Variants in RASSF8 observed in about 807,000 individuals in gnomAD.
RASSF8 encodes ras association domain-containing protein 8.
In RASSF8, 22 loss-of-function variants were observed where a neutral mutation model predicts 48.5. The observed-to-expected ratio is 0.45, with a 90% CI of 0.32 to 0.65. RASSF8 has a LOEUF of 0.65. Among genes scored for constraint, RASSF8 ranks in the 30% least tolerant of loss-of-function variants. The pLI, the probability that RASSF8 is intolerant of heterozygous loss-of-function variation, is 0.03. For synonymous variants in RASSF8, 127 were observed against 171.5 expected (o/e 0.74, Z 2.03); for missense variants, 418 against 489.2 (o/e 0.85, Z 1.37).
At chr12:25,967,137 A>C (rs537658347) in intron 1 of RASSF8, among the ~76,000 whole-genome samples, 1 of 152,354 alleles carries the variant, frequency 6.6e-6, no homozygotes, top group East Asian at 1.9e-4. Flanking sequence ...TAATTATCAC[A>C]GCTGGATGAC....
At chr12:26,001,562 T>C (rs1408800546) in intron 2 of RASSF8, among the ~76,000 whole-genome samples, 1 of 152,220 alleles carries the variant, frequency 6.6e-6, no homozygotes, top group Non-Finnish European at 1.5e-5. Context: ...TTTAAAATTA[T>C]TTATTTTCGA....
rs1546550 is a variant in RASSF8, at chr12:26,069,812, A to C, written c.*994A>C. The C allele has an allele frequency of 0.78, 767,646 of 984,126 alleles. 300,557 individuals carry two copies. The highest frequency in any genetic ancestry group is 0.81 in the African/African-American group (46,575 of 57,284). The allele number at this position is 984,126 out of a possible 1,614,324, so 61.0% of individuals were successfully genotyped here. On this transcript the variant is annotated 3_prime_UTR_variant, in exon 6 of 6. Coordinates refer to ENST00000689635, the MANE Select transcript of RASSF8 (RefSeq NM_001394098.1). The stretch of plus-strand genomic sequence containing the variant: ...ACCATGGGTAAGGTATTGCTTGCAC[A>C]TAATTTGCTCTGCATATTATGGACC...
intron 2 of RASSF8, among the ~76,000 whole-genome samples, chr12:26,024,696 C>G (rs751864348): frequency 4.3e-4 from 66 of 152,212 alleles, no homozygotes; most frequent in Middle Eastern, 3.2e-3. Flanking sequence ...GTGGCTCACG[C>G]CCGTAATACC....
At chr12:26,008,372 A>G (rs1942443021) in intron 2 of RASSF8, among the ~76,000 whole-genome samples, 2 of 152,184 alleles carry the variant, frequency 1.3e-5, no homozygotes, top group Admixed American at 6.5e-5. Flanking sequence ...CCCCTTTAGC[A>G]TGTTCTCCTG....
At chr12:25,999,659 C>G (rs1305495367) in intron 2 of RASSF8, among the ~76,000 whole-genome samples, 1 of 152,134 alleles carries the variant, frequency 6.6e-6, no homozygotes, top group East Asian at 1.9e-4. Context: ...CTGTGCTCCA[C>G]CCTGGGTGAC....
chr12:26,021,059 A>C (rs1301490710), intron 2 of RASSF8, among the ~76,000 whole-genome samples: 1 of 152,212 alleles, frequency 6.6e-6, no homozygotes, highest in African/African-American at 2.4e-5. Context: ...AATTACTTCG[A>C]AAATCTTTTC....
intron 5 of RASSF8, among the ~76,000 whole-genome samples, chr12:26,068,213 G>A (rs1856438130): frequency 6.6e-6 from 1 of 151,846 alleles, no homozygotes; most frequent in Non-Finnish European, 1.5e-5. Context: ...TAACATTTAG[G>A]TTATTTATTT....
intron 1 of RASSF8, among the ~76,000 whole-genome samples, chr12:25,974,434 G>A (rs1941557031): frequency 2.0e-5 from 3 of 151,932 alleles, no homozygotes; most frequent in African/African-American, 7.3e-5. Flanking sequence ...TACAAGGGAT[G>A]GCTAGGTTTT....
chr12:26,060,291 CTGTGGATGA>C (rs970127197), intron 3 of RASSF8, among the ~76,000 whole-genome samples: 29 of 152,232 alleles, frequency 1.9e-4, no homozygotes, highest in Non-Finnish European at 1.5e-4. Flanking sequence ...GGAAGATACA[CTGTGGATGA>C]TGTAACTATG....
chr12:26,068,671 G>C, intron 5 of RASSF8, 26 bp from the exon 6 acceptor site: 1 of 1,509,612 alleles, frequency 6.6e-7, no homozygotes, highest in African/African-American at 1.4e-5. Flanking sequence ...GAGCTCATCA[G>C]GTGGCTCTCT....
At chr12:26,063,569 C>A (rs1451939391) in intron 3 of RASSF8, among the ~76,000 whole-genome samples, 1 of 151,962 alleles carries the variant, frequency 6.6e-6, no homozygotes, top group African/African-American at 2.4e-5. Context: ...CTAACTTTTT[C>A]ATATTTTATT....
intron 3 of RASSF8, among the ~76,000 whole-genome samples, chr12:26,057,424 A>G (rs910557657): frequency 1.3e-5 from 2 of 152,116 alleles, no homozygotes; most frequent in Non-Finnish European, 2.9e-5. Context: ...GATGGTTTCC[A>G]GCTTCATCCA....
chr12:25,988,372 A>G (rs1041196998), intron 1 of RASSF8, among the ~76,000 whole-genome samples: 3 of 152,102 alleles, frequency 2.0e-5, no homozygotes, highest in African/African-American at 7.2e-5. Flanking sequence ...TAGCAGTCCT[A>G]TTATTGAACA....
At position 26,069,458 on chromosome 12, in the gene RASSF8, A is replaced by G. The variant is rs1943954568; in HGVS notation, c.*640A>G. ...AAATCTGGAATTTAGTCGTTCCTTT[A>G]CAATATTTCCAAATATACGTGTGGC... On this transcript the variant is annotated 3_prime_UTR_variant, in exon 6 of 6. Transcript: ENST00000689635. The G allele has an allele frequency of 1.0e-6, 1 of 985,454 alleles. No homozygotes were observed. The highest frequency in any genetic ancestry group is 5.2e-4 in the Middle Eastern group (1 of 1,914). The allele number at this position is 985,454 out of a possible 1,614,324, so 61.0% of individuals were successfully genotyped here.
chr12:26,037,338 A>T lies in RASSF8; in HGVS notation c.-108-17898A>T, dbSNP rs142525688. Among the ~76,000 whole-genome samples the T allele has an allele frequency of 2.8e-3, 429 of 152,302 alleles. 3 individuals carry two copies. The highest frequency in any genetic ancestry group is 1.0e-2 in the African/African-American group (414 of 41,562). On this transcript the variant is annotated intron_variant, in intron 2 of 5. Coordinates refer to ENST00000689635, the MANE Select transcript of RASSF8 (RefSeq NM_001394098.1). ...CTCCGTGGATCTTTGTCACTGCCAA[A>T]CACCACCCTCACTCCCTTTGGTACA...
chr12:25,974,466 A>G (rs186738163), intron 1 of RASSF8, among the ~76,000 whole-genome samples: 4 of 151,110 alleles, frequency 2.6e-5, no homozygotes, highest in African/African-American at 4.9e-5. Flanking sequence ...ATGAGAGTCT[A>G]CAAAACAGAC....
intron 2 of RASSF8, among the ~76,000 whole-genome samples, chr12:26,014,408 C>G (rs1040242463): frequency 4.6e-5 from 7 of 152,174 alleles, no homozygotes; most frequent in African/African-American, 1.7e-4. Context: ...TGTTAACTTT[C>G]TCCCAATATG....
chr12:25,986,676 T>C (rs1941883272), intron 1 of RASSF8, among the ~76,000 whole-genome samples: 1 of 152,214 alleles, frequency 6.6e-6, no homozygotes, highest in South Asian at 2.1e-4. Flanking sequence ...GGACTAGACA[T>C]TCATTGACTC....
At position 26,071,504 on chromosome 12, in the gene RASSF8, A is replaced by G. The variant is rs143853626; in HGVS notation, c.*2686A>G. On this transcript the variant is annotated 3_prime_UTR_variant, in exon 6 of 6. Transcript: ENST00000689635. ...TTATCTTACCAAGAAATAATTTGGA[A>G]TAGCATTGGTATATTTGACCTTTTG... 16,961 of 965,618 alleles carry G rather than the reference A, an allele frequency of 0.018. 161 individuals carry two copies. Among genetic ancestry groups the G allele is most frequent in the South Asian group, 0.019 (403 of 20,880 alleles). 59.8% of individuals were successfully genotyped at this position (965,618 alleles called of 1,614,324 possible).
Sources: allele counts gnomAD v4.1 joint callset (sites outside exome capture counted in the v4.1 genomes callset), GRCh38; gene constraint gnomAD v4.1.1; transcripts MANE v1.5; gene names NCBI Gene and HGNC (gene_info 2026-07-23, HGNC 2026-07-21).